LRRTM3: variants seen among roughly 807,000 people sequenced by gnomAD.
The protein encoded by LRRTM3 is leucine-rich repeat transmembrane neuronal protein 3.
A neutral mutation model predicts 44.7 loss-of-function variants in LRRTM3; 24 were observed. That is an observed-to-expected ratio of 0.54 (90% CI 0.39 to 0.76). LRRTM3 has a LOEUF of 0.76. LRRTM3 is among the 30% of genes least tolerant of loss of function. The pLI, the probability that LRRTM3 is intolerant of heterozygous loss-of-function variation, is 0.00. For missense variants in LRRTM3, 587 were observed against 702.2 expected, an observed-to-expected ratio of 0.84 and a Z score of 1.85; for synonymous variants, 277 against 278.7, an observed-to-expected ratio of 0.99 and a Z score of 0.06.
intron 2 of LRRTM3, among the ~76,000 whole-genome samples, chr10:66,982,494 T>G (rs1412263436): frequency 6.6e-6 from 1 of 152,202 alleles, no homozygotes; most frequent in Non-Finnish European, 1.5e-5. Context: ...GTTTGGTGTA[T>G]AGCAGTTACT....
At chr10:66,955,565 C>A (rs1848743443) in intron 2 of LRRTM3, among the ~76,000 whole-genome samples, 1 of 152,096 alleles carries the variant, frequency 6.6e-6, no homozygotes, top group South Asian at 2.1e-4. Flanking sequence ...TCCTCATTGC[C>A]TCTCATAACA....
At chr10:67,030,847 T>C (rs1189839574) in intron 2 of LRRTM3, among the ~76,000 whole-genome samples, 1 of 152,040 alleles carries the variant, frequency 6.6e-6, no homozygotes, top group Non-Finnish European at 1.5e-5. Context: ...CTACTAAAAA[T>C]ACAAAAATTA....
At chr10:67,093,309 T>C (rs1857767980) in intron 2 of LRRTM3, among the ~76,000 whole-genome samples, 1 of 151,950 alleles carries the variant, frequency 6.6e-6, no homozygotes, top group African/African-American at 2.4e-5. Flanking sequence ...ATAATGTATT[T>C]GGGTAACCTT....
intron 2 of LRRTM3, among the ~76,000 whole-genome samples, chr10:67,092,893 A>G (rs918241185): frequency 6.6e-6 from 1 of 152,002 alleles, no homozygotes; most frequent in Non-Finnish European, 1.5e-5. Context: ...GGAATTTCCT[A>G]AATAATGGGT....
chr10:67,034,780 T>C (rs12098731), intron 2 of LRRTM3, among the ~76,000 whole-genome samples: 2,729 of 152,314 alleles, frequency 0.018, 79 homozygotes, highest in African/African-American at 0.061. Flanking sequence ...TAAATACTGT[T>C]TACAATTTGA....
At chr10:66,932,261 G>C (rs904931758) in intron 2 of LRRTM3, among the ~76,000 whole-genome samples, 3 of 152,122 alleles carry the variant, frequency 2.0e-5, no homozygotes, top group African/African-American at 4.8e-5. Context: ...TTGGCAAGAG[G>C]TTTTAGGATG....
intron 2 of LRRTM3, among the ~76,000 whole-genome samples, chr10:67,044,115 C>T (rs1006067034): frequency 2.0e-5 from 3 of 151,828 alleles, no homozygotes; most frequent in African/African-American, 7.3e-5. Context: ...CCCAACTAGT[C>T]GCCAGTGTCT....
chr10:67,018,793 A>G (rs1852813655), intron 2 of LRRTM3, among the ~76,000 whole-genome samples: 1 of 152,268 alleles, frequency 6.6e-6, no homozygotes, highest in Admixed American at 6.5e-5. Context: ...AAAACAGTTC[A>G]TGGAAGGTGT....
At chr10:66,941,164 C>G (rs1398530686) in intron 2 of LRRTM3, among the ~76,000 whole-genome samples, 1 of 152,136 alleles carries the variant, frequency 6.6e-6, no homozygotes, top group Admixed American at 6.6e-5. Flanking sequence ...TCAGCTGAGT[C>G]GGTTAATTAA....
intron 2 of LRRTM3, among the ~76,000 whole-genome samples, chr10:67,065,393 T>C (rs73256454): frequency 0.11 from 16,250 of 152,166 alleles, 1,132 homozygotes; most frequent in South Asian, 0.2. Context: ...TATAAGGGCA[T>C]TGATTATTTT....
In LRRTM3 at chr10:67,039,534, T is replaced by C. The variant is rs561206980; in HGVS notation, c.1537-58053T>C. Among the ~76,000 whole-genome samples, 3 of 152,284 alleles carry C rather than the reference T, an allele frequency of 2.0e-5. 1 individual carries two copies. The South Asian group carries it at 6.2e-4, about 32-fold the overall frequency. ...CTATGGGTGATGCATAATAATTTAT[T>C]AGGAGAGTTGTTGATACTTTTTTTG... On this transcript the variant is annotated intron_variant, in intron 2 of 2. Coordinates refer to ENST00000361320, the MANE Select transcript of LRRTM3 (RefSeq NM_178011.5).
intron 2 of LRRTM3, among the ~76,000 whole-genome samples, chr10:67,005,329 G>C (rs1053673765): frequency 6.6e-6 from 1 of 152,104 alleles, no homozygotes; most frequent in African/African-American, 2.4e-5. Flanking sequence ...ATTGAAGGGA[G>C]AAAACACCTG....
Position 67,024,646 on chromosome 10 carries a change from C to A in LRRTM3, c.1537-72941C>A, listed in dbSNP as rs549850033. On this transcript the variant is annotated intron_variant, in intron 2 of 2. Coordinates refer to ENST00000361320, the MANE Select transcript of LRRTM3 (RefSeq NM_178011.5). ...GAGCCATATATGCAAATGGGTGTAACCAGCAAAAGTTACCTTAGAAAAATA... is the reference window on the plus strand; with the variant it reads ...GAGCCATATATGCAAATGGGTGTAAACAGCAAAAGTTACCTTAGAAAAATA... Among the ~76,000 whole-genome samples the A allele has an allele frequency of 2.2e-4, 33 of 152,172 alleles. No individual in the cohort carries two copies. The East Asian group carries it at 6.0e-3, about 28-fold the overall frequency.
intron 2 of LRRTM3, among the ~76,000 whole-genome samples, chr10:67,021,283 C>T (rs1852997006): frequency 6.6e-6 from 1 of 152,018 alleles, no homozygotes; most frequent in Non-Finnish European, 1.5e-5. Flanking sequence ...CCATTTCACA[C>T]CTTTAAAATT....
chr10:67,100,111 C>G lies in LRRTM3; in HGVS notation c.*2315C>G, dbSNP rs1486742783. On this transcript the variant is annotated 3_prime_UTR_variant, in exon 3 of 3. Transcript: ENST00000361320. ...CTACTAATAAACCTATTTCTAGACACATTCAAATTGATAATGATTTTTAGA... is the reference window on the plus strand; with the variant it reads ...CTACTAATAAACCTATTTCTAGACAGATTCAAATTGATAATGATTTTTAGA... 1.3e-5 allele frequency among the ~76,000 whole-genome samples: 2 copies of G among 151,724 alleles called. No individual in the cohort carries two copies. The highest frequency in any genetic ancestry group is 3.0e-5 in the Non-Finnish European group (2 of 67,780).
chr10:67,097,719 C>G lies in LRRTM3; in HGVS notation c.1669C>G (p.His557Asp), dbSNP rs1858095148. Residue 557 changes from histidine to aspartate, a missense_variant, in exon 3 of 3, where the codon CAC becomes GAC. Physicochemically the swap from His to Asp is moderately conservative, Grantham distance 81. This residue lies in a region of LRRTM3 where 315 missense variants were observed against 335.6 expected (regional missense o/e 0.94). Transcript: ENST00000361320. ...TGCACAGGAAGATACGATGGAAACACACCTAGAGACTGAGCTGGACCTGAG... is the reference window on the plus strand; with the variant it reads ...TGCACAGGAAGATACGATGGAAACAGACCTAGAGACTGAGCTGGACCTGAG... ...TNAQEDTMET[H>D]LETELDLSTI... The G allele has an allele frequency of 1.8e-5, 29 of 1,612,556 alleles. No individual in the cohort carries two copies. Among genetic ancestry groups the G allele is most frequent in the Non-Finnish European group, 2.2e-5 (26 of 1,179,076 alleles).
chr10:66,943,256 C>T (rs1161207191), intron 2 of LRRTM3, among the ~76,000 whole-genome samples: 1 of 152,142 alleles, frequency 6.6e-6, no homozygotes, highest in Non-Finnish European at 1.5e-5. Flanking sequence ...AGATATTTAG[C>T]ATAAACCTCA....
chr10:67,019,586 TAAG>T (rs1046952496), intron 2 of LRRTM3, among the ~76,000 whole-genome samples: 81 of 152,298 alleles, frequency 5.3e-4, no homozygotes, highest in Middle Eastern at 6.8e-3. Flanking sequence ...ACTTTATAAA[TAAG>T]AAATATGGAG....
At chr10:67,079,825 G>A (rs991122563) in intron 2 of LRRTM3, among the ~76,000 whole-genome samples, 1 of 151,346 alleles carries the variant, frequency 6.6e-6, no homozygotes, top group African/African-American at 2.4e-5. Context: ...TCCAGCCTGG[G>A]TGGCACAGCG....
Sources: allele counts gnomAD v4.1 joint callset (sites outside exome capture counted in the v4.1 genomes callset), GRCh38; gene constraint gnomAD v4.1.1; regional missense constraint gnomAD v4.1.1; transcripts MANE v1.5; gene names NCBI Gene and HGNC (gene_info 2026-07-23, HGNC 2026-07-21).